The following ZNF155 variants were observed in gnomAD, a reference collection of about 807,000 sequenced individuals.
ZNF155 encodes KRAB A domain.
A neutral mutation model predicts 11.9 loss-of-function variants in ZNF155; 15 were observed. The observed-to-expected ratio is 1.26, with a 90% CI of 0.84 to 1.94. The LOEUF is 1.94. Among genes scored for constraint, ZNF155 ranks in the 30% most tolerant of loss-of-function variants. The pLI is 0.00. For synonymous variants in ZNF155, 212 were observed against 219.9 expected (o/e 0.96, Z 0.32); for missense variants, 602 against 639.1 (o/e 0.94, Z 0.63).
intron 3 of ZNF155, 22 bp from the exon 4 acceptor site, chr19:43,991,820 A>G: frequency 1.2e-6 from 2 of 1,611,206 alleles, no homozygotes; most frequent in South Asian, 1.1e-5. Context: ...GGGATTCAGC[A>G]CGTGACCTTA....
At chr19:43,985,850 A>G (rs977846706) in intron 1 of ZNF155, among the ~76,000 whole-genome samples, 2 of 152,082 alleles carry the variant, frequency 1.3e-5, no homozygotes, top group African/African-American at 4.8e-5. Flanking sequence ...GCTCTTTTCC[A>G]TTTTAAATAT....
chr19:43,989,440 T>C (rs1045984988), intron 2 of ZNF155, among the ~76,000 whole-genome samples: 2 of 152,184 alleles, frequency 1.3e-5, no homozygotes, highest in Non-Finnish European at 2.9e-5. Context: ...CCTGGTCTCT[T>C]CTTCTTCTTG....
Position 43,991,732 on chromosome 19 carries a change from T to TA in ZNF155, c.142+59dup, listed in dbSNP as rs529108936. ...AGGCCTCAGGAGTGGTTTTGTACCT[T>TA]AGAGTGTTCAAGTTTGAGTGTGCAT... On this transcript the variant is annotated intron_variant, in intron 3 of 4. Coordinates refer to ENST00000270014, the MANE Select transcript of ZNF155 (RefSeq NM_198089.3). The TA allele has an allele frequency of 4.7e-4, 749 of 1,610,538 alleles. 1 individual carries two copies. Among genetic ancestry groups the TA allele is most frequent in the Middle Eastern group, 3.3e-3 (20 of 6,036 alleles).
intron 1 of ZNF155, among the ~76,000 whole-genome samples, chr19:43,985,147 C>A (rs999359287): frequency 1.3e-5 from 2 of 152,098 alleles, no homozygotes; most frequent in African/African-American, 2.4e-5. Flanking sequence ...CTGCAACCTC[C>A]GCCTCCTGGG....
chr19:43,987,833 T>C (rs955811333), intron 1 of ZNF155, among the ~76,000 whole-genome samples: 3 of 152,212 alleles, frequency 2.0e-5, no homozygotes, highest in Non-Finnish European at 2.9e-5. Context: ...TTTTTCCCAA[T>C]TCTATTGAGG....
intron 1 of ZNF155, among the ~76,000 whole-genome samples, chr19:43,985,495 G>A (rs1040190392): frequency 6.6e-6 from 1 of 150,926 alleles, no homozygotes; most frequent in Non-Finnish European, 1.5e-5. Context: ...ATACATTTAC[G>A]CCACACCATG....
intron 1 of ZNF155, among the ~76,000 whole-genome samples, chr19:43,984,748 C>G (rs542476422): frequency 6.6e-6 from 1 of 152,132 alleles, no homozygotes; most frequent in Admixed American, 6.5e-5. Flanking sequence ...GTCAGGTGCC[C>G]GGGTGGGGTC....
Position 43,997,439 on chromosome 19 carries a change from G to T in ZNF155, c.1582G>T (p.Asp528Tyr), listed in dbSNP as rs1368475466. ...GRRYKRRLNL[D>Y]ILLSLFLNDT ...ACGCTACAAGAGGCGCTTGAATCTG[G>T]ATATACTTTTATCATTATTTCTAAA... The change falls in exon 5 of 5, where the codon GAT becomes TAT. Residue 528 changes from aspartate to tyrosine, a missense_variant. Transcript: ENST00000270014. 6.2e-7 allele frequency: 1 copy of T among 1,600,586 alleles called. No homozygotes were observed. The highest frequency in any genetic ancestry group is 1.8e-5 in the Admixed American group (1 of 55,206).
intron 4 of ZNF155, among the ~76,000 whole-genome samples, chr19:43,992,182 T>G (rs1015814419): frequency 6.6e-6 from 1 of 152,238 alleles, no homozygotes; most frequent in Non-Finnish European, 1.5e-5. Flanking sequence ...CTTATTTTTA[T>G]TGATGTTACA....
chr19:43,990,200 A>T, intron 2 of ZNF155: 1 of 755,518 alleles, frequency 1.3e-6, no homozygotes, highest in Non-Finnish European at 2.0e-6. Flanking sequence ...TTTCATTTGA[A>T]ATTATTATTT....
chr19:43,994,146 C>G (rs1975754487), intron 4 of ZNF155, among the ~76,000 whole-genome samples: 1 of 152,168 alleles, frequency 6.6e-6, no homozygotes, highest in South Asian at 2.1e-4. Context: ...TTATCTGCAT[C>G]ATAGGCTTTC....
intron 4 of ZNF155, 83 bp from the exon 5 acceptor site, chr19:43,996,010 A>G: frequency 6.8e-7 from 1 of 1,465,412 alleles, no homozygotes; most frequent in Non-Finnish European, 9.1e-7. Flanking sequence ...TTAAAGTTTA[A>G]TGTCATGTCC....
chr19:43,984,634 C>T (rs425530), intron 1 of ZNF155, among the ~76,000 whole-genome samples: 58,604 of 152,004 alleles, frequency 0.39, 11,917 homozygotes, highest in Admixed American at 0.48. Context: ...ATGAGGATTT[C>T]AGGACCATCC....
In ZNF155 at chr19:43,996,508, A is replaced by G; in HGVS notation, c.651A>G (p.Ser217=). Residue 217 remains serine, a synonymous_variant, in exon 5 of 5, where the codon TCA becomes TCG. Coordinates refer to ENST00000270014, the MANE Select transcript of ZNF155 (RefSeq NM_198089.3). ...DVCGKEFSQS[S]HLQTHQRVHT... Reference sequence around the variant, plus strand: ...GTGGCAAGGAATTTAGTCAAAGCTCACATCTGCAAACTCATCAGAGAGTCC... The same window carrying G: ...GTGGCAAGGAATTTAGTCAAAGCTCGCATCTGCAAACTCATCAGAGAGTCC... 6.2e-7 allele frequency: 1 copy of G among 1,613,844 alleles called. No individual in the cohort carries two copies. The highest frequency in any genetic ancestry group is 8.5e-7 in the Non-Finnish European group (1 of 1,179,710).
Position 43,995,271 on chromosome 19 carries a change from G to T in ZNF155, c.236-822G>T, listed in dbSNP as rs138417023. On this transcript the variant is annotated intron_variant, in intron 4 of 4. Transcript: ENST00000270014. Reference sequence around the variant, plus strand: ...GGACTACAGGCATGTGCCACCACACGTGGCTAATTTTTGTATTTTTAGCAG... The same window carrying T: ...GGACTACAGGCATGTGCCACCACACTTGGCTAATTTTTGTATTTTTAGCAG... Among the ~76,000 whole-genome samples, 199 of 151,904 alleles carry T rather than the reference G, an allele frequency of 1.3e-3. 1 individual carries two copies. The highest frequency in any genetic ancestry group is 4.5e-3 in the African/African-American group (188 of 41,436).
Position 43,996,866 on chromosome 19 carries a change from G to A in ZNF155, c.1009G>A (p.Val337Ile), listed in dbSNP as rs764392002. 22 of 1,613,854 alleles carry A rather than the reference G, an allele frequency of 1.4e-5. No individual in the cohort carries two copies. Among genetic ancestry groups the A allele is most frequent in the Admixed American group, 3.3e-5 (2 of 59,984 alleles). Residue 337 changes from valine (V) to isoleucine (I), a missense_variant, in exon 5 of 5, where the codon GTC becomes ATC. By Grantham distance (29) the Val-to-Ile change is conservative. Transcript: ENST00000270014. ...QRSALNRHCM[V>I]HTGEKPYRCE... ...ATCAGCACTTAATAGGCATTGCATG[G>A]TCCACACAGGAGAGAAACCGTACAG... is the stretch of plus-strand genomic sequence containing the variant.
At chr19:43,988,584 G>C (rs761000550) in intron 2 of ZNF155, 26 bp downstream of exon 2, 1 of 1,591,820 alleles carries the variant, frequency 6.3e-7, no homozygotes, top group Non-Finnish European at 8.6e-7. Context: ...CTCTCTCGCT[G>C]TTAAAATTCC....
At chr19:43,986,540 C>T (rs975979289) in intron 1 of ZNF155, among the ~76,000 whole-genome samples, 1 of 151,082 alleles carries the variant, frequency 6.6e-6, no homozygotes, top group Admixed American at 6.6e-5. Flanking sequence ...AGCTCCGCCT[C>T]CCGGGTTCAC....
intron 2 of ZNF155, among the ~76,000 whole-genome samples, chr19:43,989,361 G>A (rs1975575297): frequency 6.6e-6 from 1 of 152,194 alleles, no homozygotes; most frequent in Non-Finnish European, 1.5e-5. Flanking sequence ...AATGTCCAGT[G>A]ATACTAAGTT....
Sources: allele counts gnomAD v4.1 joint callset (sites outside exome capture counted in the v4.1 genomes callset), GRCh38; gene constraint gnomAD v4.1.1; transcripts MANE v1.5; gene names NCBI Gene and HGNC (gene_info 2026-07-23, HGNC 2026-07-21).